Variants in MAPK14 observed in about 807,000 individuals in gnomAD.
The protein encoded by MAPK14 is mitogen-activated protein kinase 14, also known as CSAID-binding protein.
In MAPK14, 16 loss-of-function variants were observed where a neutral mutation model predicts 49.6. That is an observed-to-expected ratio of 0.32 (90% CI 0.22 to 0.49). The LOEUF (loss-of-function observed/expected upper bound fraction) is 0.49, where lower values mean the gene tolerates loss of function less well. Ranked by LOEUF, MAPK14 falls within the 20% of genes least tolerant of loss-of-function variation. The probability of loss-of-function intolerance (pLI) is 0.99; values close to 1 mark genes in which losing one functional copy is unlikely to be tolerated. For synonymous variants in MAPK14, 142 were observed against 158.0 expected, an observed-to-expected ratio of 0.90 and a Z score of 0.76; for missense variants, 200 against 441.2, an observed-to-expected ratio of 0.45 and a Z score of 4.90.
At chr6:36,064,953 C>G (rs1044532472) in intron 3 of MAPK14, among the ~76,000 whole-genome samples, 4 of 152,206 alleles carry the variant, frequency 2.6e-5, no homozygotes, top group Admixed American at 6.5e-5. Context: ...CCCAGTCACT[C>G]TGGCCTCTTG....
rs201138274 is a variant in MAPK14 at position 36,058,524 on chromosome 6, GAA to G, written c.247-762_247-761del. ...AGAAAACAAAAGCATAATTTGGGTA[GAA>G]AATTAGTTGGAGTTATTAAGTATAT... On this transcript the variant is annotated intron_variant, in intron 2 of 11. Coordinates refer to ENST00000229794, the MANE Select transcript of MAPK14 (RefSeq NM_139012.3). Among the ~76,000 whole-genome samples, 6 of 152,340 alleles carry G rather than the reference GAA, an allele frequency of 3.9e-5. No individual in the cohort carries two copies. The East Asian group carries it at 9.6e-4, about 24-fold the overall frequency.
Position 36,093,591 on chromosome 6 carries a change from C to T in MAPK14, c.683-2396C>T, listed in dbSNP as rs562920486. Among the ~76,000 whole-genome samples the T allele has an allele frequency of 7.9e-5, 12 of 152,018 alleles. No individual in the cohort carries two copies. The South Asian group carries it at 2.1e-3, about 26-fold the overall frequency. ...AAAATTAGCCGGGTGTGGTGGCAGG[C>T]GCCTGTAGTCCCAGCTACTCTGGAG... On this transcript the variant is annotated intron_variant, in intron 8 of 11. Transcript: ENST00000229794.
At chr6:36,086,429 A>G (rs1764988564) in intron 8 of MAPK14, among the ~76,000 whole-genome samples, 1 of 152,044 alleles carries the variant, frequency 6.6e-6, no homozygotes, top group Admixed American at 6.6e-5. Flanking sequence ...GTAATGAAGA[A>G]AGAAGAATCA....
chr6:36,102,780 G>T (rs1296793121), intron 10 of MAPK14, 131 bp downstream of exon 10: 3 of 1,495,646 alleles, frequency 2.0e-6, no homozygotes, highest in African/African-American at 1.4e-5. Context: ...TGATAAATAC[G>T]GCTTTTATTA....
intron 1 of MAPK14, among the ~76,000 whole-genome samples, chr6:36,039,865 G>A (rs1191158397): frequency 2.0e-5 from 3 of 151,930 alleles, no homozygotes; most frequent in Non-Finnish European, 2.9e-5. Context: ...GCATGGTGGT[G>A]TGTGCCTGTA....
In MAPK14 at chr6:36,108,243, A is replaced by G. The variant is rs994666903; in HGVS notation, c.1016-137A>G. ...TGATAACGTGTTCCAGTAGGCTATT[A>G]CATACAAGCTGTGAGGTAGCCCATC... On this transcript the variant is annotated intron_variant, in intron 11 of 11. Coordinates refer to ENST00000229794, the MANE Select transcript of MAPK14 (RefSeq NM_139012.3). 71 of 672,332 alleles carry G rather than the reference A, an allele frequency of 1.1e-4. 4 individuals carry two copies. Among genetic ancestry groups the G allele is most frequent in the Non-Finnish European group, 5.4e-6 (2 of 370,190 alleles). The allele number at this position is 672,332 out of a possible 1,614,324, so 41.6% of individuals were successfully genotyped here. A position where few individuals can be genotyped will look rare whatever the true frequency, so the allele number is the denominator to read the frequency against.
rs1335323476 is a variant in MAPK14, at chr6:36,028,302, T to C, written c.116+29T>C. 6.5e-7 allele frequency: 1 copy of C among 1,548,462 alleles called. No homozygotes were observed. The highest frequency in any genetic ancestry group is 8.9e-7 in the Non-Finnish European group (1 of 1,121,558). On this transcript the variant is annotated intron_variant, in intron 1 of 11. Transcript: ENST00000229794. This position sits in a 1 kb window ranked among gnomAD's most constrained non-coding sequence, Gnocchi z 5.1. ...AGTGTCGCTGGGCCTGGGGCCGCTG[T>C]GGGCAGGGTGGCCCCTCGCGCCCGA...
chr6:36,072,593 C>T (rs1725969106), intron 3 of MAPK14, among the ~76,000 whole-genome samples: 2 of 151,810 alleles, frequency 1.3e-5, no homozygotes, highest in African/African-American at 2.4e-5. Context: ...GGTGAAACCT[C>T]GTCTCCACTA....
intron 3 of MAPK14, among the ~76,000 whole-genome samples, chr6:36,065,249 C>T (rs928798832): frequency 2.0e-5 from 3 of 152,112 alleles, no homozygotes; most frequent in African/African-American, 7.2e-5. Flanking sequence ...TTGTTTTCTT[C>T]GTTGCTGAAT....
intron 1 of MAPK14, among the ~76,000 whole-genome samples, chr6:36,036,574 C>T (rs1403444362): frequency 6.6e-6 from 1 of 152,022 alleles, no homozygotes; most frequent in African/African-American, 2.4e-5. Flanking sequence ...TAGAAATTGC[C>T]ATAGTCATTC....
chr6:36,033,593 GA>G (rs1762628800), intron 1 of MAPK14, among the ~76,000 whole-genome samples: 1 of 152,206 alleles, frequency 6.6e-6, no homozygotes, highest in African/African-American at 2.4e-5. Flanking sequence ...GGGATTACAG[GA>G]ATGAGCCACC....
At chr6:36,050,721 C>A (rs1350180964) in intron 1 of MAPK14, among the ~76,000 whole-genome samples, 1 of 152,096 alleles carries the variant, frequency 6.6e-6, no homozygotes, top group Non-Finnish European at 1.5e-5. Context: ...AAGTAATGGT[C>A]CTGAAGTGGT....
At chr6:36,066,846 A>G (rs1251242198) in intron 3 of MAPK14, among the ~76,000 whole-genome samples, 3 of 152,076 alleles carry the variant, frequency 2.0e-5, no homozygotes, top group South Asian at 2.1e-4. Flanking sequence ...AGAAATACCT[A>G]GCCGAGTTGC....
intron 10 of MAPK14, among the ~76,000 whole-genome samples, chr6:36,104,378 G>A (rs1270937266): frequency 1.3e-5 from 2 of 152,006 alleles, no homozygotes; most frequent in Non-Finnish European, 2.9e-5. Context: ...GGGAAAAGAT[G>A]TTGTGTTCTT....
intron 3 of MAPK14, among the ~76,000 whole-genome samples, chr6:36,066,802 TAATA>T: frequency 6.6e-6 from 1 of 151,980 alleles, no homozygotes; most frequent in South Asian, 2.1e-4. Flanking sequence ...CTGATTTAGC[TAATA>T]AATGTGATCT....
At chr6:36,091,844 C>CTTTTTTTTTTTT (rs1185804651) in intron 8 of MAPK14, 44 of 124,594 alleles carry the variant, frequency 3.5e-4, no homozygotes, top group Middle Eastern at 4.4e-3. Flanking sequence ...CTTTTCTTTT[C>CTTTTTTTTTTTT]TTTTTTTTTT....
At chr6:36,090,135 A>G (rs1291910773) in intron 8 of MAPK14, among the ~76,000 whole-genome samples, 6 of 147,940 alleles carry the variant, frequency 4.1e-5, no homozygotes, top group Admixed American at 6.6e-5. Flanking sequence ...TGCTTCTTAT[A>G]TATTTTTTTT....
chr6:36,120,122 C>G, the MAPK14 span, among the ~76,000 whole-genome samples: 1 of 152,096 alleles, frequency 6.6e-6, no homozygotes, highest in South Asian at 2.1e-4. Context: ...CAATCGGGGC[C>G]TCAGTTATCA....
At chr6:36,054,945 T>C (rs1763537774) in intron 2 of MAPK14, among the ~76,000 whole-genome samples, 1 of 152,248 alleles carries the variant, frequency 6.6e-6, no homozygotes, top group South Asian at 2.1e-4. Flanking sequence ...AGGGCACATG[T>C]GATCTTTTAC....
Sources: allele counts gnomAD v4.1 joint callset (sites outside exome capture counted in the v4.1 genomes callset), GRCh38; gene constraint gnomAD v4.1.1; non-coding constraint Gnocchi (gnomAD v3.1); transcripts MANE v1.5; gene names NCBI Gene and HGNC (gene_info 2026-07-23, HGNC 2026-07-21).